Variants in HPSE2 observed in about 807,000 individuals in gnomAD.
HPSE2 encodes the protein inactive heparanase-2.
In HPSE2, 38 loss-of-function variants were observed where a neutral mutation model predicts 60.5. The ratio of observed to expected loss-of-function variants is 0.63; its 90% CI spans 0.48 to 0.82. The LOEUF (loss-of-function observed/expected upper bound fraction) is 0.82, where lower values mean the gene tolerates loss of function less well. Among genes scored for constraint, HPSE2 ranks in the 40% least tolerant of loss-of-function variants. The pLI, the probability that HPSE2 is intolerant of heterozygous loss-of-function variation, is 0.00. For missense variants in HPSE2, 713 were observed against 740.4 expected (o/e 0.96, Z 0.43); for synonymous variants, 295 against 293.2 (o/e 1.01, Z -0.06).
At chr10:99,173,943 CAAAA>C (rs61074165) in intron 2 of HPSE2, among the ~76,000 whole-genome samples, 3 of 99,942 alleles carry the variant, frequency 3.0e-5, no homozygotes, top group Non-Finnish European at 5.4e-5. Flanking sequence ...GACTCTGTCT[CAAAA>C]AAAAAAAAAA....
At chr10:99,163,041 C>T (rs530849146) in intron 2 of HPSE2, among the ~76,000 whole-genome samples, 1 of 152,152 alleles carries the variant, frequency 6.6e-6, no homozygotes, top group Admixed American at 6.6e-5. Flanking sequence ...AACTCTGTCT[C>T]TACTAAAATT....
chr10:99,252,876 CAAAAAAAAAAA>C, the HPSE2 span, among the ~76,000 whole-genome samples: 1 of 103,854 alleles, frequency 9.6e-6, no homozygotes, highest in Non-Finnish European at 2.0e-5. Flanking sequence ...GACTCCGTCT[CAAAAAAAAAAA>C]AAAAAAAAAT....
chr10:99,065,472 T>A (rs1468063809), intron 3 of HPSE2, among the ~76,000 whole-genome samples: 1 of 152,218 alleles, frequency 6.6e-6, no homozygotes, highest in Non-Finnish European at 1.5e-5. Flanking sequence ...TGCTAAATTT[T>A]AAAAATCAAT....
At chr10:98,543,394 A>T (rs1042624140) in intron 9 of HPSE2, among the ~76,000 whole-genome samples, 13 of 152,232 alleles carry the variant, frequency 8.5e-5, no homozygotes, top group Non-Finnish European at 1.9e-4. Context: ...GTAAAGACCA[A>T]CGAGACTAGG....
intron 3 of HPSE2, among the ~76,000 whole-genome samples, chr10:98,868,345 A>G (rs1261972127): frequency 6.6e-6 from 1 of 152,124 alleles, no homozygotes; most frequent in East Asian, 1.9e-4. Context: ...CCAGAGACTG[A>G]GAAGAGTAGG....
the HPSE2 span, among the ~76,000 whole-genome samples, chr10:99,243,715 C>T: frequency 6.6e-6 from 1 of 152,098 alleles, no homozygotes; most frequent in African/African-American, 2.4e-5. Flanking sequence ...GCAGGCAGAT[C>T]ACCTGAGGCT....
At chr10:99,183,804 A>G (rs1357318279) in intron 2 of HPSE2, among the ~76,000 whole-genome samples, 1 of 152,244 alleles carries the variant, frequency 6.6e-6, no homozygotes, top group Non-Finnish European at 1.5e-5. Context: ...CATAGTTCAC[A>G]TAGGACCAGA....
chr10:98,483,250 T>C (rs1451459672), intron 10 of HPSE2, among the ~76,000 whole-genome samples: 2 of 152,206 alleles, frequency 1.3e-5, no homozygotes, highest in African/African-American at 2.4e-5. Context: ...ACTCAGTTTT[T>C]ACATAACTGG....
At chr10:99,122,038 A>G (rs1004441260) in intron 3 of HPSE2, among the ~76,000 whole-genome samples, 1 of 152,122 alleles carries the variant, frequency 6.6e-6, no homozygotes, top group East Asian at 1.9e-4. Context: ...ATACTGTATT[A>G]CTGGATTTAT....
rs183992514 is a variant in HPSE2 at position 99,134,108 on chromosome 10, G to A, written c.610+10130C>T. Among the ~76,000 whole-genome samples, 35 of 152,228 alleles carry A rather than the reference G, an allele frequency of 2.3e-4. No homozygotes were observed. The East Asian group carries it at 3.9e-3, about 17-fold the overall frequency. On this transcript the variant is annotated intron_variant, in intron 3 of 11. Coordinates refer to ENST00000370552, the MANE Select transcript of HPSE2 (RefSeq NM_021828.5). ...GTTTCAATAGCTGAATCGATCAAGC[G>A]AAAGAAAGGGTATCAGTAATTGAAG... is the stretch of plus-strand genomic sequence containing the variant.
At chr10:98,744,083 A>C (rs972578719) in intron 3 of HPSE2, 27 bp from the exon 4 acceptor site, 2 of 1,607,292 alleles carry the variant, frequency 1.2e-6, no homozygotes, top group African/African-American at 2.7e-5. Context: ...AAAGGCTTGT[A>C]ACTTTCAAAT....
At chr10:98,586,527 T>C (rs1389451565) in intron 9 of HPSE2, among the ~76,000 whole-genome samples, 2 of 152,230 alleles carry the variant, frequency 1.3e-5, no homozygotes, top group Non-Finnish European at 2.9e-5. Context: ...TGTAAAAATT[T>C]AAATAGCATT....
At chr10:99,020,322 A>G (rs1957235049) in intron 3 of HPSE2, among the ~76,000 whole-genome samples, 1 of 152,242 alleles carries the variant, frequency 6.6e-6, no homozygotes, top group Non-Finnish European at 1.5e-5. Context: ...TTAAATAACT[A>G]TTCAACGAAT....
At chr10:98,607,523 G>A (rs947978499) in intron 9 of HPSE2, among the ~76,000 whole-genome samples, 1 of 152,156 alleles carries the variant, frequency 6.6e-6, no homozygotes, top group African/African-American at 2.4e-5. Flanking sequence ...TTGCAGCCTG[G>A]TTACTGCCTT....
the HPSE2 span, among the ~76,000 whole-genome samples, chr10:99,314,249 G>A: frequency 5.9e-5 from 9 of 152,098 alleles, no homozygotes; most frequent in South Asian, 2.1e-4. Context: ...TGCAACCTCC[G>A]CCTCCTGACC....
chr10:98,659,358 G>A (rs992397353), intron 6 of HPSE2, among the ~76,000 whole-genome samples: 21 of 152,026 alleles, frequency 1.4e-4, no homozygotes, highest in Admixed American at 7.9e-4. Context: ...AAAAATCCAC[G>A]TATAAATGAA....
intron 3 of HPSE2, among the ~76,000 whole-genome samples, chr10:99,086,346 C>CTTTTTTTTTTT (rs66562418): frequency 1.2e-5 from 1 of 83,008 alleles, no homozygotes; most frequent in African/African-American, 4.5e-5. Context: ...AAAGTACTTT[C>CTTTTTTTTTTT]TTTTTTTTTT....
chr10:99,160,729 C>A (rs535802966), intron 2 of HPSE2, among the ~76,000 whole-genome samples: 1 of 151,320 alleles, frequency 6.6e-6, no homozygotes, highest in African/African-American at 2.4e-5. Context: ...GAAACCCCGT[C>A]TCTACTAAAA....
At chr10:99,189,988 A>G (rs1159023925) in intron 2 of HPSE2, among the ~76,000 whole-genome samples, 11 of 152,134 alleles carry the variant, frequency 7.2e-5, no homozygotes, top group Non-Finnish European at 1.6e-4. Flanking sequence ...GCCTAGGTGG[A>G]TACCTCTGTT....
Sources: allele counts gnomAD v4.1 joint callset (sites outside exome capture counted in the v4.1 genomes callset), GRCh38; gene constraint gnomAD v4.1.1; transcripts MANE v1.5; gene names NCBI Gene and HGNC (gene_info 2026-07-23, HGNC 2026-07-21).